LUZP1: variants seen among roughly 807,000 people sequenced by gnomAD.
The protein encoded by LUZP1 is filamin mechanobinding actin cross-linking protein.
Under a neutral mutation model 71.3 loss-of-function variants are expected in LUZP1, and 25 were observed. The ratio of observed to expected loss-of-function variants is 0.35; its 90% confidence interval spans 0.26 to 0.49. The LOEUF is 0.49. Ranked by LOEUF, LUZP1 falls within the 20% of genes least tolerant of loss-of-function variation. The pLI is 0.99. For synonymous variants in LUZP1, 481 were observed against 506.4 expected (o/e 0.95, Z 0.67); for missense variants, 1,142 against 1,300.8 (o/e 0.88, Z 1.88).
chr1:23,125,251 G>T (rs1569618636), intron 2 of LUZP1, among the ~76,000 whole-genome samples: 1 of 152,220 alleles, frequency 6.6e-6, no homozygotes, highest in African/African-American at 2.4e-5. Context: ...AGAAAACAGT[G>T]CATACTTTCT....
At chr1:23,168,355 GCCCCCT>G (rs2148219366) in intron 2 of LUZP1, among the ~76,000 whole-genome samples, 1 of 55,712 alleles carries the variant, frequency 1.8e-5, no homozygotes, top group East Asian at 5.7e-4. Context: ...GTCGGCCCGC[GCCCCCT>G]CCCCCAACCC....
Position 23,152,162 on chromosome 1 carries a change from T to C in LUZP1, c.-226+16604A>G, listed in dbSNP as rs74062888. ...TTGTTAATACACACAGGGCAAATTA[T>C]GTTAAAAAAATCATAAAATAACAAA... On this transcript the variant is annotated intron_variant, in intron 2 of 4. Coordinates refer to ENST00000302291, the Ensembl canonical transcript of LUZP1. Among the ~76,000 whole-genome samples, 877 of 152,232 alleles carry C rather than the reference T, an allele frequency of 5.8e-3. 6 individuals carry two copies. Among genetic ancestry groups the C allele is most frequent in the African/African-American group, 0.02 (820 of 41,570 alleles).
chr1:23,085,549 T>TC (rs749139360), exon 5 of LUZP1: 5 of 152,464 alleles, frequency 3.3e-5, no homozygotes, highest in Admixed American at 6.5e-5. Context: ...AGCCTCTGGG[T>TC]CCCCATTCCT....
intron 3 of LUZP1, among the ~76,000 whole-genome samples, 156 bp downstream of exon 2, chr1:23,108,866 T>G (rs1344209430): frequency 6.6e-6 from 1 of 152,138 alleles, no homozygotes; most frequent in Non-Finnish European, 1.5e-5. Context: ...CCTCATCAGG[T>G]TGGTTGGTTA....
chr1:23,121,309 G>C (rs1644127664), intron 2 of LUZP1, among the ~76,000 whole-genome samples: 1 of 152,188 alleles, frequency 6.6e-6, no homozygotes, highest in Non-Finnish European at 1.5e-5. Context: ...CAAGAGCAGA[G>C]ATCACATCTT....
chr1:23,088,870 G>A (rs200540840), exon 5 of LUZP1: 9 of 1,609,918 alleles, frequency 5.6e-6, no homozygotes, highest in Non-Finnish European at 7.6e-6. Context: ...AGGAGCAGAG[G>A]GCAGACAACA....
intron 2 of LUZP1, among the ~76,000 whole-genome samples, chr1:23,164,968 C>T (rs1211616455): frequency 1.3e-5 from 2 of 152,196 alleles, no homozygotes; most frequent in African/African-American, 4.8e-5. Flanking sequence ...CTTTTGGTAA[C>T]TTTTTCCCCA....
At position 23,093,020 on chromosome 1, in the gene LUZP1, A is replaced by G; in HGVS notation, c.1242T>C (p.Tyr414=). The G allele has an allele frequency of 6.2e-7, 1 of 1,614,134 alleles. No individual in the cohort carries two copies. The highest frequency in any genetic ancestry group is 8.5e-7 in the Non-Finnish European group (1 of 1,180,016). ...AAGAAACCTGCCTGTTGCTCAGAGAATAGTTTTCATTGTTGAGAGCAAACT... is the reference window on the plus strand; with the variant it reads ...AAGAAACCTGCCTGTTGCTCAGAGAGTAGTTTTCATTGTTGAGAGCAAACT... Residue 414 remains tyrosine (Y), a synonymous_variant, in exon 4 of 5, where the codon TAT becomes TAC. Transcript: ENST00000302291. This position sits in a 1 kb window ranked among gnomAD's most constrained non-coding sequence, Gnocchi z 4.2.
At chr1:23,109,962 C>T (rs530855670) in intron 2 of LUZP1, among the ~76,000 whole-genome samples, 1 of 152,142 alleles carries the variant, frequency 6.6e-6, no homozygotes, top group Non-Finnish European at 1.5e-5. Flanking sequence ...AGGAAAAAAA[C>T]ATCTGCGGAG....
chr1:23,147,055 C>T (rs1202943261), intron 2 of LUZP1, among the ~76,000 whole-genome samples: 1 of 151,520 alleles, frequency 6.6e-6, no homozygotes, highest in African/African-American at 2.4e-5. Context: ...CGAGATCGCG[C>T]CACCGCACTC....
At chr1:23,148,300 C>T (rs1376061374) in intron 2 of LUZP1, among the ~76,000 whole-genome samples, 1 of 151,974 alleles carries the variant, frequency 6.6e-6, no homozygotes, top group Non-Finnish European at 1.5e-5. Flanking sequence ...GTGAATGACT[C>T]AAATCTCCCA....
At chr1:23,176,648 C>T (rs971188904) in intron 1 of LUZP1, among the ~76,000 whole-genome samples, 2 of 152,104 alleles carry the variant, frequency 1.3e-5, no homozygotes, top group African/African-American at 2.4e-5. Flanking sequence ...GAAAGAGACA[C>T]CAGGACCCCA....
At chr1:23,091,311 T>G (rs756079575) in exon 4 of LUZP1, 3 of 1,614,008 alleles carry the variant, frequency 1.9e-6, no homozygotes, top group Non-Finnish European at 1.7e-6. Context: ...CTCAGGGGCA[T>G]CCCCTGAACT....
chr1:23,130,110 T>A (rs1644202369), intron 2 of LUZP1, among the ~76,000 whole-genome samples: 1 of 152,208 alleles, frequency 6.6e-6, no homozygotes, highest in Non-Finnish European at 1.5e-5. Context: ...AATTACTTCA[T>A]GTTATAACTT....
At chr1:23,126,048 G>A (rs1406694085) in intron 2 of LUZP1, among the ~76,000 whole-genome samples, 1 of 152,200 alleles carries the variant, frequency 6.6e-6, no homozygotes, top group Admixed American at 6.5e-5. Flanking sequence ...ATAGTCCACA[G>A]ACTATACTTT....
In LUZP1 at chr1:23,093,577, T is replaced by C. The variant is rs1294172425; in HGVS notation, c.685A>G (p.Thr229Ala). 3 of 1,613,936 alleles carry C rather than the reference T, an allele frequency of 1.9e-6. No homozygotes were observed. The highest frequency in any genetic ancestry group is 1.1e-5 in the South Asian group (1 of 90,956). Residue 229 changes from threonine (T) to alanine (A), a missense_variant, in exon 4 of 5, where the codon ACA becomes GCA. Transcript: ENST00000302291. This position sits in a 1 kb window ranked among gnomAD's most constrained non-coding sequence, Gnocchi z 4.2. ...CTTTCCAGATTAGAAGCATTCCTTG[T>C]ATAATCTCGGTTCATTTTTTTGTTC...
At chr1:23,116,394 G>C (rs953568034) in intron 2 of LUZP1, among the ~76,000 whole-genome samples, 2 of 152,096 alleles carry the variant, frequency 1.3e-5, no homozygotes, top group Non-Finnish European at 2.9e-5. Context: ...GGTGGTATAT[G>C]CCTGTAGTCC....
At chr1:23,177,091 A>G (rs2148229872) in intron 1 of LUZP1, among the ~76,000 whole-genome samples, 2 of 151,396 alleles carry the variant, frequency 1.3e-5, no homozygotes, top group East Asian at 1.9e-4. Context: ...GGGTCTCACT[A>G]TGTTTCCCAG....
chr1:23,130,518 C>A (rs1569629360), intron 2 of LUZP1, among the ~76,000 whole-genome samples: 1 of 138,970 alleles, frequency 7.2e-6, no homozygotes, highest in African/African-American at 2.7e-5. Flanking sequence ...ACCAAGTTAA[C>A]AGTTATCTTT....
Sources: allele counts gnomAD v4.1 joint callset (sites outside exome capture counted in the v4.1 genomes callset), GRCh38; gene constraint gnomAD v4.1.1; non-coding constraint Gnocchi (gnomAD v3.1); transcripts MANE v1.5; gene names NCBI Gene and HGNC (gene_info 2026-07-23, HGNC 2026-07-21).